FBLN2: variants seen among roughly 807,000 people sequenced by gnomAD.
FBLN2 encodes fibulin-2.
A neutral mutation model predicts 123.7 loss-of-function variants in FBLN2; 81 were observed. The observed-to-expected ratio is 0.65, with a 90% CI of 0.55 to 0.79. The LOEUF is 0.79. Ranked by LOEUF, FBLN2 falls within the 30% of genes least tolerant of loss-of-function variation. FBLN2 has a pLI of 0.00. For missense variants in FBLN2, 1,603 were observed against 1,681.3 expected (o/e 0.95, Z 0.81); for synonymous variants, 699 against 701.4 (o/e 1.00, Z 0.05).
intron 4 of FBLN2, among the ~76,000 whole-genome samples, chr3:13,613,230 C>A (rs1705463051): frequency 6.6e-6 from 1 of 152,184 alleles, no homozygotes; most frequent in African/African-American, 2.4e-5. Context: ...CAAAGCAAGA[C>A]AGAAGGCACA....
At chr3:13,578,062 G>A (rs1488376375) in intron 2 of FBLN2, among the ~76,000 whole-genome samples, 1 of 152,226 alleles carries the variant, frequency 6.6e-6, no homozygotes, top group Non-Finnish European at 1.5e-5. Context: ...GTGTTTGCCT[G>A]CCTGGGCAAA....
intron 1 of FBLN2, among the ~76,000 whole-genome samples, chr3:13,567,657 C>T (rs964403389): frequency 1.3e-5 from 2 of 149,924 alleles, no homozygotes; most frequent in African/African-American, 4.9e-5. Context: ...CTCGCCTGGC[C>T]AAAGATTTCC....
intron 1 of FBLN2, among the ~76,000 whole-genome samples, chr3:13,561,372 C>T (rs1703594966): frequency 1.3e-5 from 2 of 152,176 alleles, no homozygotes; most frequent in East Asian, 3.9e-4. Context: ...GATTCAGTGA[C>T]TGACTGATCG....
intron 1 of FBLN2, 95 bp downstream of exon 1, chr3:13,549,303 G>A: frequency 1.2e-6 from 1 of 842,910 alleles, no homozygotes; most frequent in Non-Finnish European, 1.4e-6. Context: ...CCGACGGCTC[G>A]GCGGACCCTC....
At chr3:13,555,658 G>C (rs1703443960) in intron 1 of FBLN2, among the ~76,000 whole-genome samples, 1 of 151,970 alleles carries the variant, frequency 6.6e-6, no homozygotes, top group African/African-American at 2.4e-5. Context: ...GTTTCACCGT[G>C]TTAGCCAGGA....
chr3:13,636,773 C>T (rs1193517864), intron 17 of FBLN2, among the ~76,000 whole-genome samples: 8 of 152,228 alleles, frequency 5.3e-5, no homozygotes, highest in Non-Finnish European at 1.2e-4. Flanking sequence ...GGAAAAGACA[C>T]ACAGAAAACA....
intron 2 of FBLN2, among the ~76,000 whole-genome samples, chr3:13,578,919 G>T (rs1704232513): frequency 1.3e-5 from 2 of 152,320 alleles, no homozygotes; most frequent in South Asian, 4.1e-4. Flanking sequence ...GCCGGGTGTG[G>T]TGGTGCATGC....
intron 1 of FBLN2, among the ~76,000 whole-genome samples, chr3:13,553,135 G>A (rs1703370167): frequency 1.3e-5 from 2 of 152,164 alleles, no homozygotes; most frequent in Non-Finnish European, 2.9e-5. Flanking sequence ...TTCAGAGTGG[G>A]GGCTTGGAGG....
intron 2 of FBLN2, among the ~76,000 whole-genome samples, chr3:13,574,910 C>T (rs906853987): frequency 2.6e-5 from 4 of 152,170 alleles, no homozygotes; most frequent in Admixed American, 6.5e-5. Context: ...TGCACATGGC[C>T]GTGACCAGGG....
At chr3:13,570,164 T>G in intron 1 of FBLN2, 151 bp from the exon 2 acceptor site, 1 of 754,484 alleles carries the variant, frequency 1.3e-6, no homozygotes, top group Non-Finnish European at 2.0e-6. Flanking sequence ...AGCCTGTGTG[T>G]GTGTGTGAGG....
chr3:13,589,489 A>C (rs1335196088), intron 2 of FBLN2, among the ~76,000 whole-genome samples: 2 of 152,116 alleles, frequency 1.3e-5, no homozygotes, highest in African/African-American at 2.4e-5. Context: ...CTGGAACCCC[A>C]GTCCACACTA....
Position 13,605,611 on chromosome 3 carries a change from A to G in FBLN2, c.1307-2451A>G, listed in dbSNP as rs370129175. 1.7e-3 allele frequency among the ~76,000 whole-genome samples: 266 copies of G among 152,258 alleles called. 1 individual carries two copies. The South Asian group carries it at 0.032, about 19-fold the overall frequency. On this transcript the variant is annotated intron_variant, in intron 2 of 17. Coordinates refer to ENST00000404922, the MANE Select transcript of FBLN2 (RefSeq NM_001004019.2). ...TCCTCATCCTCCCCCCCAGTGATGG[A>G]CACCCAGGCTGTCCGCAACCCCTTT...
At chr3:13,627,411 C>A (rs1000822399) in intron 10 of FBLN2, among the ~76,000 whole-genome samples, 1 of 152,172 alleles carries the variant, frequency 6.6e-6, no homozygotes, top group Admixed American at 6.5e-5. Flanking sequence ...CCACTTCCGC[C>A]CCCTGCAAGT....
intron 16 of FBLN2, among the ~76,000 whole-genome samples, chr3:13,633,973 A>ACACACACACACACACACC: frequency 6.6e-6 from 1 of 150,988 alleles, no homozygotes; most frequent in Admixed American, 6.6e-5. Context: ...ACACACACAC[A>ACACACACACACACACACC]CACACACACA....
Position 13,638,311 on chromosome 3 carries a change from T to G in FBLN2, c.*392T>G. On this transcript the variant is annotated 3_prime_UTR_variant, in exon 18 of 18. Transcript: ENST00000404922. Reference sequence around the variant, plus strand: ...TTCTTTTCTTTTTTAAAAAATCATTTTAAAGTTTTTTGTTTAACTATAAAG... The same window carrying G: ...TTCTTTTCTTTTTTAAAAAATCATTGTAAAGTTTTTTGTTTAACTATAAAG... The G allele has an allele frequency of 2.3e-6, 1 of 427,980 alleles. No individual in the cohort carries two copies. Among genetic ancestry groups the G allele is most frequent in the Non-Finnish European group, 4.4e-6 (1 of 229,218 alleles). The allele number at this position is 427,980 out of a possible 1,614,324, so 26.5% of individuals were successfully genotyped here.
intron 2 of FBLN2, among the ~76,000 whole-genome samples, chr3:13,574,991 G>A (rs1055750695): frequency 5.3e-5 from 8 of 152,350 alleles, no homozygotes; most frequent in Admixed American, 2.0e-4. Context: ...GCGAGGTTGC[G>A]TCTGCCTTGC....
chr3:13,561,849 G>A (rs928172847), intron 1 of FBLN2, among the ~76,000 whole-genome samples: 14 of 152,108 alleles, frequency 9.2e-5, no homozygotes, highest in African/African-American at 2.7e-4. Flanking sequence ...CAACTTTCTC[G>A]GCCAGACAGA....
chr3:13,565,359 C>T (rs907911381), intron 1 of FBLN2, among the ~76,000 whole-genome samples: 3 of 152,252 alleles, frequency 2.0e-5, no homozygotes, highest in African/African-American at 7.2e-5. Flanking sequence ...GCTGGATGCA[C>T]TCCCAGATGC....
At position 13,612,288 on chromosome 3, in the gene FBLN2, T is replaced by C. The variant is rs542111593; in HGVS notation, c.1549-1696T>C. Among the ~76,000 whole-genome samples, 63 of 143,972 alleles carry C rather than the reference T, an allele frequency of 4.4e-4. No homozygotes were observed. The East Asian group carries it at 0.011, about 26-fold the overall frequency. The allele number at this position is 143,972 out of a possible 152,430, so 94.5% of individuals were successfully genotyped here. A position where few individuals can be genotyped will look rare whatever the true frequency, so the allele number is the denominator to read the frequency against. The stretch of plus-strand genomic sequence containing the variant: ...CTTTTATTTTCCTTTTCTTTTCTTT[T>C]ATTTTCCTTTCTTTCTTTCTTTCTT... On this transcript the variant is annotated intron_variant, in intron 4 of 17. Transcript: ENST00000404922.
Sources: allele counts gnomAD v4.1 joint callset (sites outside exome capture counted in the v4.1 genomes callset), GRCh38; gene constraint gnomAD v4.1.1; transcripts MANE v1.5; gene names NCBI Gene and HGNC (gene_info 2026-07-23, HGNC 2026-07-21).